Variants in DYNC2H1 observed in about 807,000 individuals in gnomAD.
The protein encoded by DYNC2H1 is dynein cytoplasmic 2 heavy chain 1.
Under a neutral mutation model 570.0 loss-of-function variants are expected in DYNC2H1, and 410 were observed. The ratio of observed to expected loss-of-function variants is 0.72; its 90% CI spans 0.66 to 0.78. DYNC2H1 has a LOEUF of 0.78. Among genes scored for constraint, DYNC2H1 ranks in the 30% least tolerant of loss-of-function variants. DYNC2H1 has a pLI of 0.00. For synonymous variants in DYNC2H1, 1,688 were observed against 1,677.6 expected, an observed-to-expected ratio of 1.01 and a Z score of -0.15; for missense variants, 4,865 against 5,046.4, an observed-to-expected ratio of 0.96 and a Z score of 1.09.
In DYNC2H1 at chr11:103,429,397, C is replaced by A. The variant is rs187034155; in HGVS notation, c.12367-6546C>A. ...TTTTAAAAGAATCATTCAATTAAAT[C>A]TTTTAGATCTGAAAGTCCTTAGTTT... On this transcript the variant is annotated intron_variant, in intron 84 of 88. Transcript: ENST00000375735. 2.5e-4 allele frequency among the ~76,000 whole-genome samples: 38 copies of A among 152,176 alleles called. No homozygotes were observed. The East Asian group carries it at 7.1e-3, about 29-fold the overall frequency.
At chr11:103,246,501 A>G (rs1275231334) in intron 65 of DYNC2H1, among the ~76,000 whole-genome samples, 2 of 152,028 alleles carry the variant, frequency 1.3e-5, no homozygotes. Context: ...GATAAATTTT[A>G]TATCATGATT....
intron 73 of DYNC2H1, among the ~76,000 whole-genome samples, chr11:103,283,590 A>G (rs112172058): frequency 0.013 from 1,912 of 152,302 alleles, 27 homozygotes; most frequent in Middle Eastern, 0.078. Flanking sequence ...TACTATGTTC[A>G]AGGCATTATA....
At position 103,245,199 on chromosome 11, in the gene DYNC2H1, T is replaced by C; in HGVS notation, c.9919-52T>C. The C allele has an allele frequency of 7.3e-7, 1 of 1,368,242 alleles. No homozygotes were observed. The highest frequency in any genetic ancestry group is 9.9e-7 in the Non-Finnish European group (1 of 1,013,252). The allele number at this position is 1,368,242 out of a possible 1,614,324, so 84.8% of individuals were successfully genotyped here. On this transcript the variant is annotated intron_variant, in intron 64 of 88. Transcript: ENST00000375735. The surrounding 1 kb of genome is among the most constrained non-coding windows in gnomAD (Gnocchi z 4.5). The stretch of plus-strand genomic sequence containing the variant: ...TAGAAAATCAAAGAAAGGATGTTTG[T>C]AAATATTAAAGTAATTAAATAATTA...
At position 103,241,998 on chromosome 11, in the gene DYNC2H1, C is replaced by T. The variant is rs1864440095; in HGVS notation, c.9820-1695C>T. ...GATAATTCCCACTATCTCCCTCCCT[C>T]TTGGTGTGCCACTGAGATAACCTGT... On this transcript the variant is annotated intron_variant, in intron 63 of 88. Transcript: ENST00000375735. This position sits in a 1 kb window ranked among gnomAD's most constrained non-coding sequence, Gnocchi z 5.1. Among the ~76,000 whole-genome samples, 1 of 152,102 alleles carries T rather than the reference C, an allele frequency of 6.6e-6. No homozygotes were observed. Among genetic ancestry groups the T allele is most frequent in the African/African-American group, 2.4e-5 (1 of 41,414 alleles).
At chr11:103,269,892 G>A (rs985306249) in intron 70 of DYNC2H1, among the ~76,000 whole-genome samples, 1 of 152,036 alleles carries the variant, frequency 6.6e-6, no homozygotes, top group Non-Finnish European at 1.5e-5. Context: ...TATATAGGGT[G>A]AGTATACAGA....
chr11:103,284,525 T>C (rs1470627436), intron 73 of DYNC2H1, among the ~76,000 whole-genome samples: 2 of 149,690 alleles, frequency 1.3e-5, no homozygotes, highest in Non-Finnish European at 3.0e-5. Flanking sequence ...TACATGATGA[T>C]AATATAATGT....
chr11:103,307,977 G>A (rs1002399780), intron 78 of DYNC2H1, 146 bp downstream of exon 78: 2 of 421,238 alleles, frequency 4.7e-6, no homozygotes, highest in African/African-American at 4.1e-5. Flanking sequence ...AGCATAAGAT[G>A]ATGTAAAATA....
At chr11:103,317,901 A>C (rs774761129) in intron 80 of DYNC2H1, among the ~76,000 whole-genome samples, 8 of 151,900 alleles carry the variant, frequency 5.3e-5, no homozygotes, top group Non-Finnish European at 8.8e-5. Context: ...TTATTTTCTT[A>C]TTTTGTTTCT....
chr11:103,439,432 AG>A lies in DYNC2H1; in HGVS notation c.12456+3403del, dbSNP rs1461194606. ...TTGCAAGGAGGGGTGTTCAGGCTGG[AG>A]GGCAAGAGGGGCCAAATCATGATAA... On this transcript the variant is annotated intron_variant, in intron 85 of 88. Transcript: ENST00000375735. This position sits in a 1 kb window ranked among gnomAD's most constrained non-coding sequence, Gnocchi z 4.1. 6.6e-6 allele frequency among the ~76,000 whole-genome samples: 1 copy of A among 152,158 alleles called. No homozygotes were observed. Among genetic ancestry groups the A allele is most frequent in the Non-Finnish European group, 1.5e-5 (1 of 68,016 alleles).
At chr11:103,340,884 A>C (rs1372035226) in intron 82 of DYNC2H1, among the ~76,000 whole-genome samples, 1 of 152,136 alleles carries the variant, frequency 6.6e-6, no homozygotes, top group African/African-American at 2.4e-5. Flanking sequence ...AAAACAAATT[A>C]TAGTTGTAAA....
At chr11:103,202,167 T>C (rs888093548) in intron 50 of DYNC2H1, among the ~76,000 whole-genome samples, 11 of 152,206 alleles carry the variant, frequency 7.2e-5, no homozygotes, top group African/African-American at 2.4e-4. Flanking sequence ...TTAGTGAAAG[T>C]AGTAGTACTT....
rs1940453550 is a variant in DYNC2H1 at position 103,358,282 on chromosome 11, G to C, written c.12079G>C (p.Ala4027Pro). The stretch of plus-strand genomic sequence containing the variant: ...GAGGATTTTGGGCAGATCCATAACA[G>C]CTGGTTCCAAATTTGATAGAGAAAT... The part of the protein sequence containing the change: ...QLRILGRSIT[A>P]GSKFDREIWS... Residue 4027 changes from alanine (A) to proline (P), a missense_variant, in exon 83 of 89, where the codon GCT becomes CCT. Coordinates refer to ENST00000375735, the MANE Select transcript of DYNC2H1 (RefSeq NM_001377.3). The C allele has an allele frequency of 1.9e-6, 3 of 1,591,396 alleles. No individual in the cohort carries two copies. Among genetic ancestry groups the C allele is most frequent in the Non-Finnish European group, 2.6e-6 (3 of 1,167,576 alleles).
intron 83 of DYNC2H1, among the ~76,000 whole-genome samples, chr11:103,371,603 C>T (rs1237171499): frequency 6.6e-6 from 1 of 152,122 alleles, no homozygotes; most frequent in Non-Finnish European, 1.5e-5. Flanking sequence ...ATACATCTGG[C>T]AGCAGACTTT....
Position 103,245,935 on chromosome 11 carries a change from T to C in DYNC2H1, c.10042+561T>C, listed in dbSNP as rs1010578100. ...ACATACATATGTAGACGTGTACATA[T>C]ACGTACGTGAATGTATGCCACATAC... is the stretch of plus-strand genomic sequence containing the variant. On this transcript the variant is annotated intron_variant, in intron 65 of 88. Coordinates refer to ENST00000375735, the MANE Select transcript of DYNC2H1 (RefSeq NM_001377.3). This position sits in a 1 kb window ranked among gnomAD's most constrained non-coding sequence, Gnocchi z 4.5. Among the ~76,000 whole-genome samples the C allele has an allele frequency of 1.3e-5, 2 of 152,130 alleles. No individual in the cohort carries two copies. The highest frequency in any genetic ancestry group is 4.8e-5 in the African/African-American group (2 of 41,458).
At chr11:103,407,555 TG>T (rs1418345094) in intron 84 of DYNC2H1, 2 of 151,806 alleles carry the variant, frequency 1.3e-5, no homozygotes, top group Non-Finnish European at 2.9e-5. Flanking sequence ...GTAGCAGAAA[TG>T]GGGGTATGCT....
chr11:103,200,278 CATG>C lies in DYNC2H1; in HGVS notation c.8197+125_8197+127del. 4.5e-6 allele frequency: 3 copies of C among 673,154 alleles called. No homozygotes were observed. The South Asian group carries it at 6.0e-5, about 13-fold the overall frequency. 41.7% of individuals were successfully genotyped at this position (673,154 alleles called of 1,614,324 possible). A position where few individuals can be genotyped will look rare whatever the true frequency, so the allele number is the denominator to read the frequency against. ...TTTGGCATAGTTCTTACTTAGGAGA[CATG>C]GTGTTAAACATGCTCATGGCAGGAG... On this transcript the variant is annotated intron_variant, in intron 50 of 88. Coordinates refer to ENST00000375735, the MANE Select transcript of DYNC2H1 (RefSeq NM_001377.3).
chr11:103,459,108 G>C (rs954386047), intron 87 of DYNC2H1, among the ~76,000 whole-genome samples: 1 of 151,198 alleles, frequency 6.6e-6, no homozygotes, highest in Non-Finnish European at 1.5e-5. Flanking sequence ...AGGAGATCGA[G>C]ACCATCCCGG....
chr11:103,137,769 C>A (rs1166620673), intron 17 of DYNC2H1, among the ~76,000 whole-genome samples: 1 of 152,074 alleles, frequency 6.6e-6, no homozygotes. Context: ...TGAAGAAAGT[C>A]ACTGGTAGCT....
rs376934484 is a variant in DYNC2H1 at position 103,225,281 on chromosome 11, A to G, written c.9353+2195A>G. 7.2e-5 allele frequency among the ~76,000 whole-genome samples: 11 copies of G among 152,010 alleles called. No homozygotes were observed. In the South Asian group the frequency reaches 2.1e-3, roughly 29 times the overall value. ...TTAAGTCCCGTCTGTTTATCTTTGT[A>G]TTTGTTGCATTTGCTTTTGGGTTCT... On this transcript the variant is annotated intron_variant, in intron 59 of 88. Transcript: ENST00000375735.
Sources: gnomAD v4.1 joint callset for allele counts (sites outside exome capture counted in the v4.1 genomes callset) on GRCh38, gnomAD v4.1.1 for gene constraint, Gnocchi (gnomAD v3.1) non-coding constraint, MANE v1.5 for transcripts, NCBI Gene and HGNC (gene_info 2026-07-23, HGNC 2026-07-21) for gene names.